Variants in PSD3 observed in about 807,000 individuals in gnomAD.
The protein encoded by PSD3 is pleckstrin and Sec7 domain containing 3.
Under a neutral mutation model 105.5 loss-of-function variants are expected in PSD3, and 49 were observed. The ratio of observed to expected loss-of-function variants is 0.46; its 90% CI spans 0.37 to 0.59. The LOEUF (loss-of-function observed/expected upper bound fraction) is 0.59. Ranked by LOEUF, PSD3 falls within the 20% of genes least tolerant of loss-of-function variation. The pLI, the probability that PSD3 is intolerant of heterozygous loss-of-function variation, is 0.00. For missense variants in PSD3, 1,561 were observed against 1,263.8 expected, an observed-to-expected ratio of 1.24 and a Z score of -3.57; for synonymous variants, 557 against 457.8, an observed-to-expected ratio of 1.22 and a Z score of -2.77.
chr8:18,800,433 T>C (rs1370354896), intron 7 of PSD3, among the ~76,000 whole-genome samples: 1 of 152,122 alleles, frequency 6.6e-6, no homozygotes. Flanking sequence ...AAGTAAACTA[T>C]CCAGGTTAAC....
chr8:18,564,458 G>A (rs1191689738), intron 14 of PSD3, among the ~76,000 whole-genome samples: 1 of 151,884 alleles, frequency 6.6e-6, no homozygotes, highest in Non-Finnish European at 1.5e-5. Context: ...GTGAAACCCC[G>A]TCTCTACTAA....
At chr8:18,586,231 A>C (rs1042850214) in intron 12 of PSD3, among the ~76,000 whole-genome samples, 4 of 152,180 alleles carry the variant, frequency 2.6e-5, no homozygotes, top group African/African-American at 9.7e-5. Context: ...GGATGGGAGT[A>C]GTGAAAGAGG....
At chr8:18,643,187 G>A (rs961500649) in intron 10 of PSD3, among the ~76,000 whole-genome samples, 1 of 152,176 alleles carries the variant, frequency 6.6e-6, no homozygotes, top group African/African-American at 2.4e-5. Context: ...TGTGGAAGGT[G>A]CAAGGGCAAG....
chr8:18,903,529 C>T (rs749789652), intron 2 of PSD3, among the ~76,000 whole-genome samples: 8 of 152,262 alleles, frequency 5.3e-5, no homozygotes, highest in East Asian at 1.9e-4. Context: ...ACCAGCTCCA[C>T]GGAAGCAGGA....
At chr8:19,013,765 C>A (rs1463429405), upstream of PSD3, 1 of 283,156 alleles carries the variant, frequency 3.5e-6, no homozygotes, top group Non-Finnish European at 5.7e-6. Flanking sequence ...CCGCGGCAGC[C>A]GCCCGCCCGG....
intron 4 of PSD3, among the ~76,000 whole-genome samples, chr8:18,866,587 A>T (rs1163503586): frequency 1.3e-5 from 2 of 152,154 alleles, no homozygotes; most frequent in Non-Finnish European, 2.9e-5. Flanking sequence ...TCTCACTGTG[A>T]CCCAGTAAGA....
intron 1 of PSD3, among the ~76,000 whole-genome samples, chr8:18,991,634 C>T (rs975069745): frequency 2.0e-4 from 31 of 152,150 alleles, no homozygotes; most frequent in Admixed American, 3.9e-4. Context: ...CATATACATG[C>T]AAAACAAACA....
intron 4 of PSD3, among the ~76,000 whole-genome samples, chr8:18,806,713 T>G (rs1340577504): frequency 1.3e-5 from 2 of 152,218 alleles, no homozygotes; most frequent in Non-Finnish European, 2.9e-5. Flanking sequence ...TGGGCTGAAT[T>G]GGGCCCATGG....
intron 1 of PSD3, among the ~76,000 whole-genome samples, chr8:19,045,895 C>G (rs900311038): frequency 5.9e-5 from 9 of 152,206 alleles, no homozygotes; most frequent in African/African-American, 2.2e-4. Context: ...TCAGGGCTTG[C>G]ATTACGTCTA....
rs140898501 is a variant in PSD3 at position 18,825,748 on chromosome 8, A to G, written c.1635-20850T>C. Among the ~76,000 whole-genome samples the G allele has an allele frequency of 1.6e-4, 24 of 152,316 alleles. 1 individual carries two copies. The highest frequency in any genetic ancestry group is 5.8e-4 in the African/African-American group (24 of 41,582). On this transcript the variant is annotated intron_variant, in intron 4 of 15. Transcript: ENST00000327040. ...ATCTGATCTCTTCCCTAACCTCCAC[A>G]CGCAACTCATTGCTGGCTTTAAAAG...
At chr8:18,717,241 T>C (rs1802658535) in intron 9 of PSD3, among the ~76,000 whole-genome samples, 1 of 152,192 alleles carries the variant, frequency 6.6e-6, no homozygotes. Flanking sequence ...AATTTTTTTT[T>C]CAAAAAGTAA....
intron 8 of PSD3, among the ~76,000 whole-genome samples, chr8:18,776,908 A>G (rs969665083): frequency 6.6e-6 from 1 of 152,126 alleles, no homozygotes; most frequent in East Asian, 1.9e-4. Context: ...TAGTTGGGGA[A>G]TACTTCTTCA....
intron 4 of PSD3, among the ~76,000 whole-genome samples, chr8:18,861,284 T>C (rs970935348): frequency 6.6e-6 from 1 of 152,056 alleles, no homozygotes; most frequent in African/African-American, 2.4e-5. Context: ...CAGGGCACAT[T>C]TTCTACAGAG....
intron 2 of PSD3, among the ~76,000 whole-genome samples, chr8:18,892,316 T>C (rs1447452312): frequency 6.6e-6 from 1 of 151,502 alleles, no homozygotes; most frequent in African/African-American, 2.4e-5. Flanking sequence ...CTCTGCCTCC[T>C]GGGTTCATGC....
intron 9 of PSD3, among the ~76,000 whole-genome samples, chr8:18,756,901 G>A (rs1806091253): frequency 6.7e-6 from 1 of 148,198 alleles, no homozygotes; most frequent in Admixed American, 6.8e-5. Context: ...AGAGCCCAGC[G>A]ACTTCCATAA....
intron 14 of PSD3, among the ~76,000 whole-genome samples, chr8:18,565,021 A>G (rs530288747): frequency 6.6e-6 from 1 of 152,326 alleles, no homozygotes; most frequent in South Asian, 2.1e-4. Flanking sequence ...ACCATTCTCT[A>G]AAGAAGCAAG....
chr8:18,918,038 G>A (rs1419956974), intron 2 of PSD3, among the ~76,000 whole-genome samples: 1 of 152,020 alleles, frequency 6.6e-6, no homozygotes, highest in African/African-American at 2.4e-5. Context: ...TTTCCAGACT[G>A]ATTTCCTAAA....
chr8:18,614,806 GTTTT>G (rs375568259), intron 11 of PSD3, among the ~76,000 whole-genome samples: 1 of 150,128 alleles, frequency 6.7e-6, no homozygotes, highest in South Asian at 2.1e-4. Context: ...TTTTTTTTTT[GTTTT>G]GTTTTCATAG....
At chr8:18,979,090 T>C (rs1418230672) in intron 1 of PSD3, among the ~76,000 whole-genome samples, 1 of 152,138 alleles carries the variant, frequency 6.6e-6, no homozygotes, top group Admixed American at 6.5e-5. Context: ...AAGAGACTTC[T>C]GAGGTCTTTT....
Sources: allele counts gnomAD v4.1 joint callset (sites outside exome capture counted in the v4.1 genomes callset), GRCh38; gene constraint gnomAD v4.1.1; transcripts MANE v1.5; gene names NCBI Gene and HGNC (gene_info 2026-07-23, HGNC 2026-07-21).